Variants in MLLT1 observed in about 807,000 individuals in gnomAD.
The protein encoded by MLLT1 is MLLT1 super elongation complex subunit, also known as protein ENL.
In MLLT1, 11 loss-of-function variants were observed where a neutral mutation model predicts 55.1. The observed-to-expected ratio is 0.20, with a 90% CI of 0.13 to 0.33. The LOEUF (loss-of-function observed/expected upper bound fraction) is 0.33, where lower values mean the gene tolerates loss of function less well. Among genes scored for constraint, MLLT1 ranks in the 10% least tolerant of loss-of-function variants. The pLI, the probability that MLLT1 is intolerant of heterozygous loss-of-function variation, is 1.00. For missense variants in MLLT1, 536 were observed against 760.6 expected (o/e 0.70, Z 3.47); for synonymous variants, 323 against 320.1 (o/e 1.01, Z -0.10).
In MLLT1 at chr19:6,216,498, A is replaced by G; in HGVS notation, c.1214T>C (p.Met405Thr). 1 of 1,574,910 alleles carries G rather than the reference A, an allele frequency of 6.3e-7. No individual in the cohort carries two copies. The highest frequency in any genetic ancestry group is 8.6e-7 in the Non-Finnish European group (1 of 1,157,140). Reference protein sequence around the residue: ...QNHSQGPLRSMVEDLQSEESD... With the variant: ...QNHSQGPLRSTVEDLQSEESD... ...CTCCTCGGACTGCAGGTCCTCCACC[A>G]TGGAGCGCAGGGGTCCTGGGGAGGC... The change falls in exon 8 of 12, where the codon ATG becomes ACG. Residue 405 changes from methionine to threonine, a missense_variant. Coordinates refer to ENST00000252674, the MANE Select transcript of MLLT1 (RefSeq NM_005934.4).
Position 6,219,295 on chromosome 19 carries a change from C to T in MLLT1, c.1111-1254G>A, listed in dbSNP as rs188250181. On this transcript the variant is annotated intron_variant, in intron 6 of 11. Coordinates refer to ENST00000252674, the MANE Select transcript of MLLT1 (RefSeq NM_005934.4). This position sits in a 1 kb window ranked among gnomAD's most constrained non-coding sequence, Gnocchi z 4.5. ...CTGCCAGCGCCCCTTCCCACCAACA[C>T]ATGGCGCTCCCTGATGAATCATCAC... Among the ~76,000 whole-genome samples, 194 of 152,312 alleles carry T rather than the reference C, an allele frequency of 1.3e-3. 2 individuals are homozygous for T. The highest frequency in any genetic ancestry group is 4.4e-4 in the Non-Finnish European group (30 of 68,030).
Position 6,262,130 on chromosome 19 carries a change from A to C in MLLT1, c.276+98T>G. On this transcript the variant is annotated intron_variant, in intron 3 of 11. Transcript: ENST00000252674. The surrounding 1 kb of genome is among the most constrained non-coding windows in gnomAD (Gnocchi z 4.4). ...CTCACTGGAATGTCTGTGCATGGGC[A>C]GCGGCCAGTTCTCTGGCCTGTTTTG... 1.1e-6 allele frequency: 1 copy of C among 896,618 alleles called. No homozygotes were observed. The highest frequency in any genetic ancestry group is 2.4e-5 in the East Asian group (1 of 41,050). 55.5% of individuals were successfully genotyped at this position (896,618 alleles called of 1,614,324 possible).
intron 2 of MLLT1, among the ~76,000 whole-genome samples, chr19:6,269,592 T>C (rs894948260): frequency 3.9e-5 from 6 of 152,122 alleles, no homozygotes; most frequent in African/African-American, 7.2e-5. Flanking sequence ...ACTTCCCCAC[T>C]AGGCTGCAAA....
At chr19:6,215,036 C>T (rs2090825687) in intron 8 of MLLT1, among the ~76,000 whole-genome samples, 1 of 152,224 alleles carries the variant, frequency 6.6e-6, no homozygotes, top group Admixed American at 6.5e-5. Flanking sequence ...GCCTGTGCTC[C>T]TGCCGGCCTC....
chr19:6,251,592 G>A (rs2091214682), intron 3 of MLLT1, among the ~76,000 whole-genome samples: 1 of 152,140 alleles, frequency 6.6e-6, no homozygotes, highest in African/African-American at 2.4e-5. Context: ...CAGATGACAG[G>A]CTTTGGTTAA....
intron 3 of MLLT1, among the ~76,000 whole-genome samples, chr19:6,261,753 T>TAAGGA (rs1230121880): frequency 6.6e-6 from 1 of 152,150 alleles, no homozygotes; most frequent in African/African-American, 2.4e-5. Context: ...AGATAACTCC[T>TAAGGA]TTTTCCTTCA....
chr19:6,254,136 T>C (rs556317121), intron 3 of MLLT1, among the ~76,000 whole-genome samples: 3 of 152,264 alleles, frequency 2.0e-5, no homozygotes, highest in Admixed American at 6.5e-5. Flanking sequence ...CCCCCTGACC[T>C]CTTAGGGAGG....
At chr19:6,272,151 C>T (rs984918704) in intron 1 of MLLT1, among the ~76,000 whole-genome samples, 5 of 151,906 alleles carry the variant, frequency 3.3e-5, no homozygotes, top group African/African-American at 7.3e-5. Context: ...GAGCCCCGCG[C>T]ACGTCTTCCA....
chr19:6,213,009 C>G lies in MLLT1; in HGVS notation c.*33G>C. On this transcript the variant is annotated 3_prime_UTR_variant, in exon 12 of 12. Transcript: ENST00000252674. Reference sequence around the variant, plus strand: ...AGGCCTGGCTGCAGCCTCCCAGGACCCCGGCGGTGGGGGCCCGGCACGCGG... The same window carrying G: ...AGGCCTGGCTGCAGCCTCCCAGGACGCCGGCGGTGGGGGCCCGGCACGCGG... The G allele has an allele frequency of 6.2e-7, 1 of 1,609,342 alleles. No individual in the cohort carries two copies. Among genetic ancestry groups the G allele is most frequent in the Non-Finnish European group, 8.5e-7 (1 of 1,177,454 alleles).
intron 3 of MLLT1, among the ~76,000 whole-genome samples, chr19:6,254,430 G>C (rs1261109131): frequency 6.6e-6 from 1 of 152,208 alleles, no homozygotes; most frequent in Non-Finnish European, 1.5e-5. Flanking sequence ...ACATAAGGAG[G>C]GGCAACACCC....
In MLLT1 at chr19:6,237,601, CAA is replaced by C. The variant is rs1232206376; in HGVS notation, c.277-6890_277-6889del. ...TGAAACCCCATCTCTACTAAAAATA[CAA>C]AAAAAAAAAAAAAAAATTAGCTGGG... On this transcript the variant is annotated intron_variant, in intron 3 of 11. Transcript: ENST00000252674. Among the ~76,000 whole-genome samples the C allele has an allele frequency of 2.7e-3, 261 of 97,134 alleles. 1 individual carries two copies. The highest frequency in any genetic ancestry group is 8.4e-3 in the African/African-American group (239 of 28,444). 63.7% of individuals were successfully genotyped at this position (97,134 alleles called of 152,430 possible). A position where few individuals can be genotyped will look rare whatever the true frequency, so the allele number is the denominator to read the frequency against.
At chr19:6,215,437 C>T (rs79585949) in intron 8 of MLLT1, among the ~76,000 whole-genome samples, 2,872 of 152,286 alleles carry the variant, frequency 0.019, 46 homozygotes, top group Middle Eastern at 0.051. Flanking sequence ...AAGTCCCTGT[C>T]GGAGTCGTGG....
intron 3 of MLLT1, among the ~76,000 whole-genome samples, chr19:6,254,368 T>C (rs1360930621): frequency 1.3e-5 from 2 of 152,146 alleles, no homozygotes; most frequent in Non-Finnish European, 2.9e-5. Context: ...AAACCAGTAA[T>C]GGAAGTAAAA....
Position 6,229,370 on chromosome 19 carries a change from C to G in MLLT1, c.420+1200G>C, listed in dbSNP as rs12978261. Among the ~76,000 whole-genome samples the G allele has an allele frequency of 0.29, 43,461 of 151,864 alleles. 7,310 individuals carry two copies. The highest frequency in any genetic ancestry group is 0.46 in the African/African-American group (19,138 of 41,322). On this transcript the variant is annotated intron_variant, in intron 4 of 11. Transcript: ENST00000252674. This position sits in a 1 kb window ranked among gnomAD's most constrained non-coding sequence, Gnocchi z 5.2. The stretch of plus-strand genomic sequence containing the variant: ...AAGCTTCTACATGGACAGACGCCTC[C>G]TTCTTCTTAGGAGAACGACGGCCAC...
chr19:6,213,898 C>T (rs2233195), intron 9 of MLLT1, 41 bp downstream of exon 9: 16 of 1,496,452 alleles, frequency 1.1e-5, no homozygotes, highest in South Asian at 3.8e-5. Flanking sequence ...GGGCTAAGCC[C>T]GGCCTCTGGT....
intron 3 of MLLT1, among the ~76,000 whole-genome samples, chr19:6,232,814 C>T (rs2091024408): frequency 1.3e-5 from 2 of 152,162 alleles, no homozygotes; most frequent in Non-Finnish European, 2.9e-5. Flanking sequence ...GTACTAAAAC[C>T]ACCACATCTG....
Position 6,211,293 on chromosome 19 carries a change from G to C in MLLT1, c.*1749C>G, listed in dbSNP as rs1422581028. 4.3e-6 allele frequency: 1 copy of C among 232,788 alleles called. No homozygotes were observed. Among genetic ancestry groups the C allele is most frequent in the Admixed American group, 5.6e-5 (1 of 17,786 alleles). 14.4% of individuals were successfully genotyped at this position (232,788 alleles called of 1,614,324 possible). A position where few individuals can be genotyped will look rare whatever the true frequency, so the allele number is the denominator to read the frequency against. On this transcript the variant is annotated 3_prime_UTR_variant, in exon 12 of 12. Transcript: ENST00000252674. This position sits in a 1 kb window ranked among gnomAD's most constrained non-coding sequence, Gnocchi z 4.6. ...GGGCACAGGGGCCTGCCCTCTTCCTGATACCTGAAGGCAGTGGGGCCGGGA... is the reference window on the plus strand; with the variant it reads ...GGGCACAGGGGCCTGCCCTCTTCCTCATACCTGAAGGCAGTGGGGCCGGGA...
chr19:6,237,072 G>A (rs1014659825), intron 3 of MLLT1, among the ~76,000 whole-genome samples: 15 of 152,370 alleles, frequency 9.8e-5, no homozygotes, highest in Middle Eastern at 6.8e-3. Flanking sequence ...GCACCATCCC[G>A]TGCCCGGGGT....
chr19:6,249,164 T>TA (rs1414716137), intron 3 of MLLT1, among the ~76,000 whole-genome samples: 1 of 152,312 alleles, frequency 6.6e-6, no homozygotes, highest in African/African-American at 2.4e-5. Flanking sequence ...AAAAAGAATG[T>TA]AAAATCTCTC....
Sources: gnomAD v4.1 joint callset for allele counts (sites outside exome capture counted in the v4.1 genomes callset) on GRCh38, gnomAD v4.1.1 for gene constraint, Gnocchi (gnomAD v3.1) non-coding constraint, MANE v1.5 for transcripts, NCBI Gene and HGNC (gene_info 2026-07-23, HGNC 2026-07-21) for gene names.